Variants in CLNK observed in about 807,000 individuals in gnomAD.
The protein encoded by CLNK is cytokine-dependent hematopoietic cell linker.
CLNK carries 74 observed loss-of-function variants against 68.6 expected under a neutral mutation model. The observed-to-expected ratio is 1.08, with a 90% CI of 0.89 to 1.31. The LOEUF (loss-of-function observed/expected upper bound fraction) is 1.31, where lower values mean the gene tolerates loss of function less well. Ranked by LOEUF, CLNK falls within the 50% of genes most tolerant of loss-of-function variation. CLNK has a pLI of 0.00. For missense variants in CLNK, 553 were observed against 515.3 expected (o/e 1.07, Z -0.71); for synonymous variants, 198 against 172.2 (o/e 1.15, Z -1.17).
intron 4 of CLNK, among the ~76,000 whole-genome samples, chr4:10,573,222 A>G (rs1720418600): frequency 6.6e-6 from 1 of 152,186 alleles, no homozygotes; most frequent in African/African-American, 2.4e-5. Context: ...AGCATGCCCA[A>G]ATCTTTTCTA....
intron 11 of CLNK, among the ~76,000 whole-genome samples, chr4:10,537,998 A>T (rs1002159750): frequency 6.6e-6 from 1 of 152,040 alleles, no homozygotes; most frequent in Non-Finnish European, 1.5e-5. Flanking sequence ...CCTGGGATCC[A>T]AACTCATTGC....
At chr4:10,536,212 T>C (rs1718755360) in intron 11 of CLNK, among the ~76,000 whole-genome samples, 1 of 152,208 alleles carries the variant, frequency 6.6e-6, no homozygotes, top group Non-Finnish European at 1.5e-5. Context: ...AAATCATGGC[T>C]TCTGCCTTAG....
At chr4:10,524,989 A>G (rs1474598419) in intron 14 of CLNK, among the ~76,000 whole-genome samples, 3 of 152,166 alleles carry the variant, frequency 2.0e-5, no homozygotes, top group Non-Finnish European at 4.4e-5. Flanking sequence ...TTACAGCACT[A>G]ATACTGGAGG....
chr4:10,516,712 C>T (rs1717852439), intron 15 of CLNK, among the ~76,000 whole-genome samples: 1 of 152,122 alleles, frequency 6.6e-6, no homozygotes, highest in African/African-American at 2.4e-5. Context: ...GCCACCATGC[C>T]CAGCTAATTT....
chr4:10,509,320 A>G (rs545555425), intron 16 of CLNK, among the ~76,000 whole-genome samples: 2 of 152,212 alleles, frequency 1.3e-5, no homozygotes, highest in East Asian at 3.9e-4. Flanking sequence ...GGTATGAGCT[A>G]GCTCTAACTC....
At chr4:10,501,136 G>T in intron 18 of CLNK, 120 bp downstream of exon 18, 1 of 1,023,048 alleles carries the variant, frequency 9.8e-7, no homozygotes, top group Non-Finnish European at 1.4e-6. Flanking sequence ...GGGTGGGGAG[G>T]TCAGACTGCA....
At chr4:10,712,261 C>A in the CLNK span, among the ~76,000 whole-genome samples, 2 of 152,068 alleles carry the variant, frequency 1.3e-5, no homozygotes, top group Admixed American at 1.3e-4. Flanking sequence ...TTCAGCAGGA[C>A]CACTTAGAGA....
At chr4:10,699,276 CACCA>C in the CLNK span, among the ~76,000 whole-genome samples, 6 of 119,192 alleles carry the variant, frequency 5.0e-5, no homozygotes, top group African/African-American at 1.2e-4. Context: ...CACACACACA[CACCA>C]CATACGTGTA....
chr4:10,491,322 C>T (rs888234908), intron 18 of CLNK, among the ~76,000 whole-genome samples: 1 of 152,146 alleles, frequency 6.6e-6, no homozygotes, highest in Admixed American at 6.5e-5. Context: ...CTGTTGCCTC[C>T]CAAACCTCAA....
At chr4:10,542,755 C>T (rs1035056202) in intron 8 of CLNK, among the ~76,000 whole-genome samples, 76 of 150,068 alleles carry the variant, frequency 5.1e-4, no homozygotes, top group African/African-American at 1.7e-3. Context: ...AGGAAAATAG[C>T]ATCACAGATT....
chr4:10,611,198 A>C (rs1299282418), intron 2 of CLNK, among the ~76,000 whole-genome samples: 1 of 152,196 alleles, frequency 6.6e-6, no homozygotes, highest in African/African-American at 2.4e-5. Flanking sequence ...TGTGCCTGTA[A>C]TCCCAGATAT....
the CLNK span, among the ~76,000 whole-genome samples, chr4:10,714,638 T>C: frequency 6.6e-6 from 1 of 152,132 alleles, no homozygotes. Flanking sequence ...CTGTGGTCCT[T>C]AGATCTCTTT....
the CLNK span, among the ~76,000 whole-genome samples, chr4:10,722,790 C>G: frequency 6.6e-6 from 1 of 152,218 alleles, no homozygotes; most frequent in Non-Finnish European, 1.5e-5. Context: ...TGGCTCACGC[C>G]TGTTATTCCA....
chr4:10,566,185 A>G (rs1383267908), intron 5 of CLNK, 35 bp from the exon 6 acceptor site: 1 of 1,610,318 alleles, frequency 6.2e-7, no homozygotes, highest in Non-Finnish European at 8.5e-7. Flanking sequence ...GAGTCAAAGG[A>G]AGGTACAATG....
intron 2 of CLNK, among the ~76,000 whole-genome samples, chr4:10,641,748 C>T (rs1185093991): frequency 1.3e-5 from 2 of 152,180 alleles, no homozygotes; most frequent in African/African-American, 4.8e-5. Flanking sequence ...GTGTCCCTAC[C>T]CAAATCTCAT....
intron 8 of CLNK, among the ~76,000 whole-genome samples, chr4:10,542,721 C>T (rs1406413058): frequency 6.6e-6 from 1 of 150,456 alleles, no homozygotes; most frequent in Admixed American, 6.6e-5. Flanking sequence ...CTGCCTACCA[C>T]CTTCATGGGG....
chr4:10,599,610 T>C (rs943429271), intron 2 of CLNK, among the ~76,000 whole-genome samples: 3 of 152,188 alleles, frequency 2.0e-5, no homozygotes, highest in Non-Finnish European at 4.4e-5. Context: ...ATTGGTTATT[T>C]CCCAGCAGAC....
chr4:10,515,760 T>C (rs535345610), intron 15 of CLNK, among the ~76,000 whole-genome samples: 2 of 152,366 alleles, frequency 1.3e-5, no homozygotes, highest in Admixed American at 6.5e-5. Context: ...TAAAAAGATA[T>C]TACATAATAG....
At chr4:10,661,591 G>T (rs553547412) in intron 2 of CLNK, among the ~76,000 whole-genome samples, 10 of 152,308 alleles carry the variant, frequency 6.6e-5, no homozygotes, top group Admixed American at 4.6e-4. Flanking sequence ...CATGGAGAAT[G>T]ACTAGCACAG....
Sources: allele counts gnomAD v4.1 joint callset (sites outside exome capture counted in the v4.1 genomes callset), GRCh38; gene constraint gnomAD v4.1.1; transcripts MANE v1.5; gene names NCBI Gene and HGNC (gene_info 2026-07-23, HGNC 2026-07-21).